Variants in SMARCAD1 observed in about 807,000 individuals in gnomAD.
SMARCAD1 encodes the protein SNF2 related chromatin remodeling ATPase with DExD box 1.
A neutral mutation model predicts 127.1 loss-of-function variants in SMARCAD1; 25 were observed. The ratio of observed to expected loss-of-function variants is 0.20; its 90% CI spans 0.14 to 0.27. The LOEUF is 0.27. Ranked by LOEUF, SMARCAD1 falls within the 10% of genes least tolerant of loss-of-function variation. The pLI, the probability that SMARCAD1 is intolerant of heterozygous loss-of-function variation, is 1.00. For missense variants in SMARCAD1, 807 were observed against 1,206.0 expected, an observed-to-expected ratio of 0.67 and a Z score of 4.90; for synonymous variants, 400 against 396.9, an observed-to-expected ratio of 1.01 and a Z score of -0.09.
chr4:94,261,268 G>A (rs11730135), intron 9 of SMARCAD1, among the ~76,000 whole-genome samples: 4,801 of 152,054 alleles, frequency 0.032, 117 homozygotes, highest in Non-Finnish European at 0.052. Flanking sequence ...TTACATGTTA[G>A]GAATCTTCAC....
At chr4:94,233,000 T>A (rs1377310141) in intron 3 of SMARCAD1, among the ~76,000 whole-genome samples, 1 of 152,118 alleles carries the variant, frequency 6.6e-6, no homozygotes, top group Non-Finnish European at 1.5e-5. Flanking sequence ...AAAACACACA[T>A]ATTCTGTTCT....
chr4:94,245,324 A>G (rs1478759284), intron 6 of SMARCAD1, among the ~76,000 whole-genome samples: 1 of 152,204 alleles, frequency 6.6e-6, no homozygotes, highest in Non-Finnish European at 1.5e-5. Flanking sequence ...AAGTCTGTGT[A>G]TGCCATGACA....
At position 94,291,153 on chromosome 4, in the gene SMARCAD1, T is replaced by G. The variant is rs773406769; in HGVS notation, c.*1619T>G. On this transcript the variant is annotated 3_prime_UTR_variant, in exon 24 of 24. Coordinates refer to ENST00000354268, the MANE Select transcript of SMARCAD1 (RefSeq NM_020159.5). ...TCATGTTTTCTGTATTAATGTATTT[T>G]CAATGATAGGCTGTTTCTTTTTTTG... The G allele has an allele frequency of 3.5e-5, 16 of 453,278 alleles. No homozygotes were observed. Among genetic ancestry groups the G allele is most frequent in the Non-Finnish European group, 7.1e-5 (16 of 226,596 alleles). 28.1% of individuals were successfully genotyped at this position (453,278 alleles called of 1,614,324 possible). A position where few individuals can be genotyped will look rare whatever the true frequency, so the allele number is the denominator to read the frequency against.
chr4:94,234,419 A>T (rs533873419), intron 4 of SMARCAD1, among the ~76,000 whole-genome samples: 1 of 152,276 alleles, frequency 6.6e-6, no homozygotes, highest in South Asian at 2.1e-4. Context: ...TTTCCATTAG[A>T]AATACTCAGA....
intron 2 of SMARCAD1, among the ~76,000 whole-genome samples, chr4:94,214,550 G>A (rs1199706152): frequency 6.6e-6 from 1 of 152,088 alleles, no homozygotes; most frequent in African/African-American, 2.4e-5. Flanking sequence ...ACAGGCATGA[G>A]CCACCGCACC....
intron 3 of SMARCAD1, among the ~76,000 whole-genome samples, chr4:94,228,300 C>T (rs547310246): frequency 2.0e-5 from 3 of 152,232 alleles, no homozygotes; most frequent in Non-Finnish European, 2.9e-5. Flanking sequence ...CAGAATTACC[C>T]TTGTTAGCAT....
intron 5 of SMARCAD1, among the ~76,000 whole-genome samples, chr4:94,237,338 G>C (rs1229841583): frequency 6.6e-6 from 1 of 151,824 alleles, no homozygotes; most frequent in African/African-American, 2.4e-5. Context: ...AATGTCTTAG[G>C]GAAAGGCGTA....
Position 94,277,253 on chromosome 4 carries a change from A to G in SMARCAD1, c.2082+94A>G, listed in dbSNP as rs571110898. On this transcript the variant is annotated intron_variant, in intron 16 of 23. Transcript: ENST00000354268. ...GTCTCTTTTGTTGTTTTCATAGTGC[A>G]TATGCTCTATGAAGTAACTTTAAGT... The G allele has an allele frequency of 1.6e-5, 22 of 1,409,996 alleles. No individual in the cohort carries two copies. The Admixed American group carries it at 2.0e-4, about 13-fold the overall frequency. 87.3% of individuals were successfully genotyped at this position (1,409,996 alleles called of 1,614,324 possible).
At chr4:94,276,595 T>C (rs1315676127) in intron 15 of SMARCAD1, 121 bp downstream of exon 15, 3 of 1,274,586 alleles carry the variant, frequency 2.4e-6, no homozygotes, top group Non-Finnish European at 3.2e-6. Context: ...GTATTCTGTG[T>C]TAGCAAGTTT....
chr4:94,280,893 C>T, intron 20 of SMARCAD1, 113 bp downstream of exon 20: 1 of 1,001,958 alleles, frequency 1.0e-6, no homozygotes. Context: ...TGCATTCTTC[C>T]AGAACTTAGT....
chr4:94,265,545 A>G lies in SMARCAD1; in HGVS notation c.1481+639A>G, dbSNP rs114203733. Among the ~76,000 whole-genome samples the G allele has an allele frequency of 2.9e-3, 438 of 151,872 alleles. 1 individual carries two copies. Among genetic ancestry groups the G allele is most frequent in the African/African-American group, 0.01 (417 of 41,500 alleles). On this transcript the variant is annotated intron_variant, in intron 10 of 23. Coordinates refer to ENST00000354268, the MANE Select transcript of SMARCAD1 (RefSeq NM_020159.5). ...ACTGTCTAGTGGCCAGTACATATTA[A>G]AGTGGTTTTTGTAATTGTGATCGCC...
chr4:94,239,293 T>A (rs1390487806), intron 5 of SMARCAD1, among the ~76,000 whole-genome samples: 1 of 152,166 alleles, frequency 6.6e-6, no homozygotes, highest in African/African-American at 2.4e-5. Context: ...AAAAGACCTT[T>A]TTAAATACCT....
At position 94,235,897 on chromosome 4, in the gene SMARCAD1, G is replaced by A. The variant is rs1481907234; in HGVS notation, c.538-1055G>A. ...TAAGATTGATATGCATAATTTCCCT[G>A]AATGTTTCATAAATCAGTATCTGAA... On this transcript the variant is annotated intron_variant, in intron 4 of 23. Coordinates refer to ENST00000354268, the MANE Select transcript of SMARCAD1 (RefSeq NM_020159.5). 5.3e-5 allele frequency among the ~76,000 whole-genome samples: 8 copies of A among 151,822 alleles called. No homozygotes were observed. In the South Asian group the frequency reaches 8.3e-4, roughly 16 times the overall value.
At chr4:94,218,291 AT>A (rs111702430) in intron 2 of SMARCAD1, among the ~76,000 whole-genome samples, 58 of 147,720 alleles carry the variant, frequency 3.9e-4, no homozygotes, top group African/African-American at 9.2e-4. Context: ...GTTTTATTTT[AT>A]TTTTTTTTTG....
chr4:94,273,594 A>G (rs781527775), intron 11 of SMARCAD1, 23 bp from the exon 12 acceptor site: 6 of 1,528,700 alleles, frequency 3.9e-6, no homozygotes, highest in African/African-American at 2.7e-5. Context: ...AAAATGTTAT[A>G]TATTGTCTTT....
intron 23 of SMARCAD1, among the ~76,000 whole-genome samples, chr4:94,286,195 G>A (rs1051532137): frequency 6.6e-6 from 1 of 152,172 alleles, no homozygotes; most frequent in African/African-American, 2.4e-5. Flanking sequence ...GAATGGCCCT[G>A]AGAAATGAAG....
At chr4:94,260,347 A>AT (rs972753221) in intron 9 of SMARCAD1, among the ~76,000 whole-genome samples, 82 of 151,458 alleles carry the variant, frequency 5.4e-4, no homozygotes, top group African/African-American at 1.8e-3. Flanking sequence ...TTTTTATTTT[A>AT]TTTTTTTTTA....
intron 22 of SMARCAD1, among the ~76,000 whole-genome samples, chr4:94,284,580 T>TGG (rs1560571754): frequency 1.5e-4 from 22 of 149,106 alleles, no homozygotes; most frequent in Admixed American, 1.0e-3. Context: ...GTTTTTGTTT[T>TGG]TTTTTTTTTT....
intron 12 of SMARCAD1, among the ~76,000 whole-genome samples, chr4:94,273,982 T>C (rs562861567): frequency 2.6e-5 from 4 of 152,362 alleles, no homozygotes; most frequent in South Asian, 4.1e-4. Flanking sequence ...ATAATACTTT[T>C]AGTTACTTTT....
Sources: gnomAD v4.1 joint callset for allele counts (sites outside exome capture counted in the v4.1 genomes callset) on GRCh38, gnomAD v4.1.1 for gene constraint, MANE v1.5 for transcripts, NCBI Gene and HGNC (gene_info 2026-07-23, HGNC 2026-07-21) for gene names.